ADAMTSL1: variants seen among roughly 807,000 people sequenced by gnomAD.
ADAMTSL1 encodes the protein ADAMTS-like protein 1.
Under a neutral mutation model 201.8 loss-of-function variants are expected in ADAMTSL1, and 126 were observed. The observed-to-expected ratio is 0.62, with a 90% CI of 0.54 to 0.72. The LOEUF (loss-of-function observed/expected upper bound fraction) is 0.72. ADAMTSL1 is among the 30% of genes least tolerant of loss of function. The probability of loss-of-function intolerance (pLI) is 0.00; values close to 1 mark genes in which losing one functional copy is unlikely to be tolerated. For missense variants in ADAMTSL1, 2,679 were observed against 2,277.8 expected, an observed-to-expected ratio of 1.18 and a Z score of -3.59; for synonymous variants, 1,121 against 903.4, an observed-to-expected ratio of 1.24 and a Z score of -4.32.
At chr9:18,766,036 G>A (rs571920507) in intron 16 of ADAMTSL1, among the ~76,000 whole-genome samples, 10 of 151,536 alleles carry the variant, frequency 6.6e-5, no homozygotes, top group African/African-American at 2.4e-4. Flanking sequence ...AGCTTGACAT[G>A]TTTGAGGAAC....
chr9:17,988,498 G>T (rs1355807930), intron 1 of ADAMTSL1, among the ~76,000 whole-genome samples: 2 of 151,556 alleles, frequency 1.3e-5, no homozygotes, highest in Non-Finnish European at 2.9e-5. Context: ...TTCATACCAG[G>T]CCCATGTGTT....
chr9:18,060,274 A>G (rs1409136480), intron 1 of ADAMTSL1, among the ~76,000 whole-genome samples: 1 of 152,154 alleles, frequency 6.6e-6, no homozygotes, highest in Non-Finnish European at 1.5e-5. Flanking sequence ...CCTGGATCAA[A>G]TATTTGTTTT....
intron 1 of ADAMTSL1, among the ~76,000 whole-genome samples, chr9:17,988,598 C>G (rs188991618): frequency 3.0e-4 from 45 of 150,880 alleles, no homozygotes; most frequent in African/African-American, 9.5e-4. Context: ...GAAGAGATGG[C>G]CAAGAGTACC....
chr9:18,099,194 A>G (rs1270602382), intron 1 of ADAMTSL1, among the ~76,000 whole-genome samples: 6 of 149,910 alleles, frequency 4.0e-5, no homozygotes, highest in East Asian at 3.9e-4. Flanking sequence ...TTTGGCTTAC[A>G]TTATCTGTCT....
intron 20 of ADAMTSL1, among the ~76,000 whole-genome samples, chr9:18,802,924 A>C (rs542793546): frequency 6.6e-6 from 1 of 152,140 alleles, no homozygotes; most frequent in African/African-American, 2.4e-5. Context: ...GTAGTACTTT[A>C]TTGTGATTTA....
chr9:18,049,551 C>G (rs1263167202), intron 1 of ADAMTSL1, among the ~76,000 whole-genome samples: 4 of 152,128 alleles, frequency 2.6e-5, no homozygotes, highest in Non-Finnish European at 2.9e-5. Context: ...CTTTATGGGA[C>G]CAGCAGAGCC....
chr9:18,068,748 C>G (rs781696466), intron 1 of ADAMTSL1, among the ~76,000 whole-genome samples: 25 of 152,110 alleles, frequency 1.6e-4, no homozygotes, highest in Non-Finnish European at 3.4e-4. Context: ...CTCTATGTGG[C>G]AATAGCAGTG....
intron 1 of ADAMTSL1, among the ~76,000 whole-genome samples, chr9:18,483,458 G>C (rs996137678): frequency 6.6e-6 from 1 of 152,082 alleles, no homozygotes; most frequent in African/African-American, 2.4e-5. Context: ...GGTAGAGAGG[G>C]ATTGAAATGT....
Position 18,817,102 on chromosome 9 carries a change from T to C in ADAMTSL1, c.3806-7T>C, listed in dbSNP as rs186597390. The C allele has an allele frequency of 8.8e-5, 141 of 1,609,116 alleles. 2 individuals carry two copies. In the Middle Eastern group the frequency reaches 1.8e-3, roughly 21 times the overall value. On this transcript the variant is annotated splice_polypyrimidine_tract_variant and splice_region_variant and intron_variant, in intron 20 of 28. Coordinates refer to ENST00000380548, the MANE Select transcript of ADAMTSL1 (RefSeq NM_001040272.6). ...AAGTAACATCTCATATTCTTTCTTA[T>C]CTTCAGGAAAGCCACTAGTGAAAAC...
At chr9:17,932,876 C>G (rs1826854699) in intron 1 of ADAMTSL1, among the ~76,000 whole-genome samples, 1 of 152,046 alleles carries the variant, frequency 6.6e-6, no homozygotes, top group Non-Finnish European at 1.5e-5. Flanking sequence ...TCTATCATGA[C>G]CAGATATATG....
At chr9:18,534,379 G>T (rs553709775) in intron 3 of ADAMTSL1, among the ~76,000 whole-genome samples, 6 of 152,086 alleles carry the variant, frequency 3.9e-5, no homozygotes, top group African/African-American at 7.2e-5. Flanking sequence ...GAAAGAAGAA[G>T]AAGAAGGAGG....
At chr9:18,103,608 T>G (rs1824628922) in intron 1 of ADAMTSL1, among the ~76,000 whole-genome samples, 1 of 152,192 alleles carries the variant, frequency 6.6e-6, no homozygotes, top group Non-Finnish European at 1.5e-5. Flanking sequence ...GGGTGAGAAC[T>G]GCATATTTTA....
At chr9:18,669,103 C>A (rs1829646681) in intron 9 of ADAMTSL1, among the ~76,000 whole-genome samples, 1 of 152,188 alleles carries the variant, frequency 6.6e-6, no homozygotes, top group South Asian at 2.1e-4. Context: ...CTGGTTCCAG[C>A]CCAACGTAGA....
chr9:18,531,205 C>T (rs986192251), intron 2 of ADAMTSL1, among the ~76,000 whole-genome samples: 2 of 152,194 alleles, frequency 1.3e-5, no homozygotes, highest in Admixed American at 1.3e-4. Context: ...CCAGAGTACT[C>T]ATGTCAGCAT....
chr9:18,686,104 A>G (rs1830818019), intron 13 of ADAMTSL1, among the ~76,000 whole-genome samples: 1 of 151,984 alleles, frequency 6.6e-6, no homozygotes, highest in Non-Finnish European at 1.5e-5. Context: ...TTTTTTTTGC[A>G]GAGACTGGGG....
chr9:18,121,127 G>C (rs1352741098), intron 1 of ADAMTSL1, among the ~76,000 whole-genome samples: 2 of 152,164 alleles, frequency 1.3e-5, no homozygotes, highest in African/African-American at 2.4e-5. Flanking sequence ...AAAGGATACA[G>C]TTGGCTCTAG....
rs1424326037 is a variant in ADAMTSL1 at position 18,448,074 on chromosome 9, A to G, written c.208-56755A>G. 3.2e-4 allele frequency among the ~76,000 whole-genome samples: 49 copies of G among 152,152 alleles called. 1 individual carries two copies. Among genetic ancestry groups the G allele is most frequent in the Admixed American group, 3.2e-3 (49 of 15,262 alleles). ...CTGCCATAAAGTATTTGCCCAGAAA[A>G]CAAGAGAAAACAAAAATCAATTAAT... On this transcript the variant is annotated intron_variant, in intron 2 of 29. Transcript: ENST00000680146.
At chr9:18,712,634 G>C (rs1832684765) in intron 14 of ADAMTSL1, among the ~76,000 whole-genome samples, 1 of 150,460 alleles carries the variant, frequency 6.6e-6, no homozygotes, top group African/African-American at 2.4e-5. Context: ...TGGTGTACCT[G>C]AAAGTGACGG....
intron 2 of ADAMTSL1, among the ~76,000 whole-genome samples, chr9:18,215,073 G>C (rs1254654370): frequency 1.3e-5 from 2 of 152,178 alleles, no homozygotes; most frequent in African/African-American, 2.4e-5. Flanking sequence ...AAAGAGGGCA[G>C]AAGTTGAATG....
Sources: gnomAD v4.1 joint callset for allele counts (sites outside exome capture counted in the v4.1 genomes callset) on GRCh38, gnomAD v4.1.1 for gene constraint, MANE v1.5 for transcripts, NCBI Gene and HGNC (gene_info 2026-07-23, HGNC 2026-07-21) for gene names.